Variants in VRK3 observed in about 807,000 individuals in gnomAD.
VRK3 encodes VRK serine/threonine kinase 3.
VRK3 carries 50 observed loss-of-function variants against 60.4 expected under a neutral mutation model. That is an observed-to-expected ratio of 0.83 (90% CI 0.66 to 1.05). The LOEUF is 1.05. VRK3 is among the 50% of genes least tolerant of loss of function. The pLI is 0.00. For synonymous variants in VRK3, 246 were observed against 227.8 expected (o/e 1.08, Z -0.72); for missense variants, 549 against 585.3 (o/e 0.94, Z 0.64).
Position 49,980,989 on chromosome 19 carries a change from G to A in VRK3, c.1242C>T (p.Phe414=), listed in dbSNP as rs775903957. 48 of 1,612,360 alleles carry A rather than the reference G, an allele frequency of 3.0e-5. No homozygotes were observed. Among genetic ancestry groups the A allele is most frequent in the East Asian group, 6.7e-5 (3 of 44,854 alleles). Residue 414 remains phenylalanine (F), a synonymous_variant, in exon 13 of 15, where the codon TTC becomes TTT. Coordinates refer to ENST00000316763, the MANE Select transcript of VRK3 (RefSeq NM_016440.4). ...TGATCCAGTGACCGCAGGGTCCCACGAAGGGCCCCGGCTTATCAACAAACC... is the reference window on the plus strand; with the variant it reads ...TGATCCAGTGACCGCAGGGTCCCACAAAGGGCCCCGGCTTATCAACAAACC... ...KQKFVDKPGP[F]VGPCGHWIRP... is the part of the protein sequence containing the mutation.
intron 3 of VRK3, among the ~76,000 whole-genome samples, chr19:50,015,340 ACT>A (rs2077058155): frequency 6.6e-6 from 1 of 151,194 alleles, no homozygotes; most frequent in Non-Finnish European, 1.5e-5. Context: ...ATCGAGTCTC[ACT>A]CTGTTGCCCA....
intron 12 of VRK3, 48 bp downstream of exon 12, chr19:49,988,323 AG>A: frequency 1.3e-6 from 2 of 1,558,502 alleles, no homozygotes; most frequent in Non-Finnish European, 1.7e-6. Context: ...GTCCACCTGC[AG>A]GGGTTCTGCT....
chr19:49,985,875 G>A (rs996849785), intron 12 of VRK3, among the ~76,000 whole-genome samples: 4 of 152,208 alleles, frequency 2.6e-5, no homozygotes, highest in Non-Finnish European at 5.9e-5. Flanking sequence ...TGTCTCTGGA[G>A]TTGAATGGCC....
At chr19:50,004,863 T>C (rs1343669268) in intron 5 of VRK3, among the ~76,000 whole-genome samples, 4 of 151,896 alleles carry the variant, frequency 2.6e-5, no homozygotes, top group African/African-American at 7.3e-5. Flanking sequence ...TGAGCCGTGA[T>C]TGCACAACCG....
intron 2 of VRK3, among the ~76,000 whole-genome samples, chr19:50,020,102 G>A (rs1348714496): frequency 6.6e-6 from 1 of 151,192 alleles, no homozygotes. Flanking sequence ...GTGTAGTGGT[G>A]CAATCTCAGC....
intron 5 of VRK3, among the ~76,000 whole-genome samples, chr19:50,002,479 C>G (rs1316053323): frequency 2.0e-5 from 3 of 152,180 alleles, no homozygotes; most frequent in Non-Finnish European, 2.9e-5. Context: ...AGCTCTGGAA[C>G]CCAGGCATAG....
chr19:49,982,327 G>T, intron 12 of VRK3: 1 of 653,152 alleles, frequency 1.5e-6, no homozygotes, highest in Non-Finnish European at 2.8e-6. Context: ...TATGCTAGGT[G>T]GCTGTTTGAT....
chr19:50,004,755 A>T (rs752903439), intron 5 of VRK3, among the ~76,000 whole-genome samples: 13 of 151,026 alleles, frequency 8.6e-5, no homozygotes, highest in Non-Finnish European at 1.6e-4. Flanking sequence ...AAAAAAAATT[A>T]AAAAATTAGC....
chr19:50,010,859 G>C (rs1050104835), intron 3 of VRK3, among the ~76,000 whole-genome samples: 5 of 152,186 alleles, frequency 3.3e-5, no homozygotes, highest in African/African-American at 1.2e-4. Context: ...GTTGCAGTGA[G>C]CCAAGATTAC....
chr19:50,018,767 C>T (rs1301220981), intron 2 of VRK3, among the ~76,000 whole-genome samples: 2 of 151,892 alleles, frequency 1.3e-5, no homozygotes, highest in East Asian at 3.9e-4. Flanking sequence ...TGCCTCTTCC[C>T]TCTCTGCCAG....
At chr19:49,986,884 A>C (rs1341779441) in intron 12 of VRK3, 1 of 152,302 alleles carries the variant, frequency 6.6e-6, no homozygotes, top group African/African-American at 2.4e-5. Context: ...GCTGCCTCCC[A>C]GATGACTTGG....
chr19:50,008,131 C>T (rs138240375), intron 4 of VRK3, among the ~76,000 whole-genome samples: 2,513 of 152,174 alleles, frequency 0.017, 30 homozygotes, highest in Non-Finnish European at 0.023. Flanking sequence ...AGAAAGAGAT[C>T]CTGCCTGGAG....
chr19:50,013,902 T>C (rs746053170), intron 3 of VRK3, among the ~76,000 whole-genome samples: 20 of 152,170 alleles, frequency 1.3e-4, no homozygotes, highest in Non-Finnish European at 2.8e-4. Flanking sequence ...GATCATTGCA[T>C]AGAGGGAAGA....
At chr19:50,020,288 G>A (rs1324725116) in intron 2 of VRK3, among the ~76,000 whole-genome samples, 2 of 152,108 alleles carry the variant, frequency 1.3e-5, no homozygotes, top group East Asian at 1.9e-4. Flanking sequence ...TGATCCACCC[G>A]CCTCAGCCTC....
intron 10 of VRK3, 72 bp from the exon 11 acceptor site, chr19:49,989,843 G>T (rs1035395884): frequency 1.1e-5 from 17 of 1,480,072 alleles, no homozygotes; most frequent in Non-Finnish European, 1.5e-5. Context: ...CATCGTGGGT[G>T]CAAGTGACAA....
At chr19:49,996,350 C>T (rs1363236579) in intron 7 of VRK3, among the ~76,000 whole-genome samples, 1 of 152,150 alleles carries the variant, frequency 6.6e-6, no homozygotes, top group Non-Finnish European at 1.5e-5. Flanking sequence ...AGCCACCGCG[C>T]CCGACTGCAT....
intron 5 of VRK3, among the ~76,000 whole-genome samples, chr19:50,005,307 C>CA (rs1306795674): frequency 6.7e-6 from 1 of 149,272 alleles, no homozygotes; most frequent in Admixed American, 6.6e-5. Flanking sequence ...GCCCAGACTT[C>CA]AAGGCAGGGA....
intron 8 of VRK3, 130 bp from the exon 9 acceptor site, chr19:49,995,049 G>A: frequency 7.9e-7 from 1 of 1,266,246 alleles, no homozygotes; most frequent in South Asian, 1.4e-5. Flanking sequence ...CTGACTGGCT[G>A]GGCAGCAAAC....
At chr19:50,020,043 A>AT (rs59318175) in intron 2 of VRK3, among the ~76,000 whole-genome samples, 11,751 of 142,364 alleles carry the variant, frequency 0.083, 518 homozygotes, top group Middle Eastern at 0.14. Context: ...CACCCAGCTA[A>AT]TTTTTTTTTT....
Sources: gnomAD v4.1 joint callset for allele counts (sites outside exome capture counted in the v4.1 genomes callset) on GRCh38, gnomAD v4.1.1 for gene constraint, MANE v1.5 for transcripts, NCBI Gene and HGNC (gene_info 2026-07-23, HGNC 2026-07-21) for gene names.